MRPS22: variants seen among roughly 807,000 people sequenced by gnomAD.
The protein encoded by MRPS22 is mitochondrial ribosomal protein S22.
Under a neutral mutation model 44.0 loss-of-function variants are expected in MRPS22, and 30 were observed. The ratio of observed to expected loss-of-function variants is 0.68; its 90% confidence interval spans 0.51 to 0.93. The LOEUF (loss-of-function observed/expected upper bound fraction) is 0.93, where lower values mean the gene tolerates loss of function less well. Ranked by LOEUF, MRPS22 falls within the 40% of genes least tolerant of loss-of-function variation. The pLI is 0.00. For missense variants in MRPS22, 447 were observed against 447.8 expected (o/e 1.00, Z 0.02); for synonymous variants, 165 against 154.4 (o/e 1.07, Z -0.51).
intron 1 of MRPS22, among the ~76,000 whole-genome samples, chr3:139,346,388 G>A (rs560955924): frequency 6.6e-6 from 1 of 152,176 alleles, no homozygotes; most frequent in African/African-American, 2.4e-5. Flanking sequence ...ACCGAGGAGC[G>A]CTATGATAAA....
At chr3:139,354,986 G>A (rs1183367644) in intron 6 of MRPS22, among the ~76,000 whole-genome samples, 1 of 152,212 alleles carries the variant, frequency 6.6e-6, no homozygotes, top group Non-Finnish European at 1.5e-5. Flanking sequence ...ATACATTTCT[G>A]AGAAGTACAG....
intron 7 of MRPS22, 75 bp downstream of exon 7, chr3:139,355,865 TAATG>T (rs770467112): frequency 1.4e-5 from 14 of 993,694 alleles, no homozygotes; most frequent in Admixed American, 1.9e-5. Context: ...GGGTCATAAT[TAATG>T]GTAACTAAAC....
chr3:139,352,641 G>A lies in MRPS22; in HGVS notation c.733-6G>A. On this transcript the variant is annotated splice_region_variant and splice_polypyrimidine_tract_variant and intron_variant, in intron 5 of 7. Coordinates refer to ENST00000680020, the MANE Select transcript of MRPS22 (RefSeq NM_020191.4). ...GTTTCTGAAGAGTTGCATTTTATGT[G>A]GATAGGTTCATCACAAGACCTATGA... 6.2e-7 allele frequency: 1 copy of A among 1,611,938 alleles called. No individual in the cohort carries two copies. The highest frequency in any genetic ancestry group is 8.5e-7 in the Non-Finnish European group (1 of 1,178,310).
intron 4 of MRPS22, 106 bp downstream of exon 4, chr3:139,350,428 G>T (rs954434873): frequency 7.7e-7 from 1 of 1,297,096 alleles, no homozygotes. Flanking sequence ...ATGATAACTT[G>T]ACTTTTTTTT....
At chr3:139,354,802 C>G (rs1217506318) in intron 6 of MRPS22, among the ~76,000 whole-genome samples, 1 of 152,134 alleles carries the variant, frequency 6.6e-6, no homozygotes. Context: ...CAACTGGAAG[C>G]CAGTAGTTCA....
chr3:139,348,392 G>A, intron 3 of MRPS22, 68 bp downstream of exon 3: 2 of 1,520,456 alleles, frequency 1.3e-6, no homozygotes, highest in Non-Finnish European at 9.1e-7. Flanking sequence ...CTTGAGAGAT[G>A]ATGTGACCTG....
chr3:139,346,818 T>C lies in MRPS22; in HGVS notation c.173-60T>C, dbSNP rs1273667472. 3 of 1,574,054 alleles carry C rather than the reference T, an allele frequency of 1.9e-6. No individual in the cohort carries two copies. In the Admixed American group the frequency reaches 5.0e-5, roughly 26 times the overall value. ...TTTTATTGTTAACTGACTTTTCTATTTAGAGGTCTTGTTAGCTTGTCATTT... is the reference window on the plus strand; with the variant it reads ...TTTTATTGTTAACTGACTTTTCTATCTAGAGGTCTTGTTAGCTTGTCATTT... On this transcript the variant is annotated intron_variant, in intron 1 of 7. Coordinates refer to ENST00000680020, the MANE Select transcript of MRPS22 (RefSeq NM_020191.4).
chr3:139,349,418 A>G, intron 3 of MRPS22: 1 of 405,342 alleles, frequency 2.5e-6, no homozygotes, highest in Non-Finnish European at 4.8e-6. Flanking sequence ...TGTTTGGTTA[A>G]TTTATACATT....
intron 2 of MRPS22, 102 bp from the exon 3 acceptor site, chr3:139,348,058 C>A: frequency 1.6e-6 from 2 of 1,219,880 alleles, no homozygotes; most frequent in Non-Finnish European, 2.3e-6. Flanking sequence ...ACCTTCTTTT[C>A]TATGCAGGTT....
Position 139,357,106 on chromosome 3 carries a change from G to A in MRPS22, c.*92G>A, listed in dbSNP as rs956146100. ...ATGTTAAAAAATGGCCAGATTAAAA[G>A]ATATCAATTTGTAGTTCTCCCTACA... On this transcript the variant is annotated 3_prime_UTR_variant, in exon 8 of 8. Transcript: ENST00000680020. The A allele has an allele frequency of 1.8e-6, 2 of 1,085,248 alleles. No homozygotes were observed. The highest frequency in any genetic ancestry group is 3.2e-5 in the African/African-American group (2 of 63,356). 67.2% of individuals were successfully genotyped at this position (1,085,248 alleles called of 1,614,324 possible).
At chr3:139,354,959 G>A (rs1213938142) in intron 6 of MRPS22, among the ~76,000 whole-genome samples, 1 of 152,170 alleles carries the variant, frequency 6.6e-6, no homozygotes, top group East Asian at 1.9e-4. Context: ...CAGTTTTAAT[G>A]TTGATAAAAA....
intron 5 of MRPS22, chr3:139,352,058 GAAAAAA>G: frequency 1.3e-5 from 2 of 154,338 alleles, no homozygotes; most frequent in Admixed American, 6.4e-5. Context: ...GGAGAGTAGT[GAAAAAA>G]TACTTGATTT....
intron 7 of MRPS22, 89 bp downstream of exon 7, chr3:139,355,879 C>A: frequency 2.2e-6 from 2 of 913,938 alleles, no homozygotes; most frequent in Non-Finnish European, 3.6e-6. Flanking sequence ...GGTAACTAAA[C>A]AGATTTGTGA....
At chr3:139,356,521 TTTTC>T (rs1941269620) in intron 7 of MRPS22, among the ~76,000 whole-genome samples, 2 of 152,222 alleles carry the variant, frequency 1.3e-5, no homozygotes, top group South Asian at 4.1e-4. Flanking sequence ...ACAGTACTGA[TTTTC>T]TTTATGAACC....
At chr3:139,355,644 GA>G (rs753421659) in intron 6 of MRPS22, 37 bp from the exon 7 acceptor site, 3 of 1,514,390 alleles carry the variant, frequency 2.0e-6, no homozygotes, top group Non-Finnish European at 2.8e-6. Context: ...ATCAAATGAA[GA>G]AAACCCCTAG....
chr3:139,353,424 G>T (rs999998365), intron 6 of MRPS22, among the ~76,000 whole-genome samples: 2 of 152,186 alleles, frequency 1.3e-5, no homozygotes, highest in Non-Finnish European at 2.9e-5. Context: ...AGGCCAAAAT[G>T]ACAAGGAAGC....
intron 6 of MRPS22, among the ~76,000 whole-genome samples, chr3:139,353,829 A>G (rs976108041): frequency 6.6e-6 from 1 of 152,196 alleles, no homozygotes; most frequent in African/African-American, 2.4e-5. Context: ...GTCTTTATGT[A>G]CGTTATCTCC....
intron 2 of MRPS22, 64 bp from the exon 3 acceptor site, chr3:139,348,096 T>C (rs912213168): frequency 9.1e-6 from 14 of 1,543,972 alleles, no homozygotes; most frequent in Middle Eastern, 1.7e-4. Context: ...TATGTGCTTT[T>C]GTCAGATGAT....
intron 3 of MRPS22, 76 bp from the exon 4 acceptor site, chr3:139,350,103 T>G: frequency 6.5e-7 from 1 of 1,533,172 alleles, no homozygotes; most frequent in Non-Finnish European, 9.0e-7. Flanking sequence ...ATTATTCTTA[T>G]AATGGCCTTA....
Sources: gnomAD v4.1 joint callset for allele counts (sites outside exome capture counted in the v4.1 genomes callset) on GRCh38, gnomAD v4.1.1 for gene constraint, MANE v1.5 for transcripts, NCBI Gene and HGNC (gene_info 2026-07-23, HGNC 2026-07-21) for gene names.